MYO9A: variants seen among roughly 807,000 people sequenced by gnomAD.
MYO9A encodes the protein unconventional myosin-IXa.
MYO9A carries 103 observed loss-of-function variants against 293.3 expected under a neutral mutation model. The observed-to-expected ratio is 0.35, with a 90% CI of 0.30 to 0.41. MYO9A has a LOEUF of 0.41. MYO9A is among the 10% of genes least tolerant of loss of function. The pLI, the probability that MYO9A is intolerant of heterozygous loss-of-function variation, is 1.00. For missense variants in MYO9A, 2,685 were observed against 3,033.0 expected (o/e 0.89, Z 2.69); for synonymous variants, 1,001 against 1,035.7 (o/e 0.97, Z 0.64).
chr15:71,855,730 A>G (rs140745161), intron 34 of MYO9A, among the ~76,000 whole-genome samples: 7 of 152,280 alleles, frequency 4.6e-5, no homozygotes, highest in East Asian at 1.9e-4. Flanking sequence ...GCTCAAAACT[A>G]TATCACTAAC....
intron 39 of MYO9A, among the ~76,000 whole-genome samples, chr15:71,841,626 T>C (rs992212101): frequency 6.6e-6 from 1 of 151,814 alleles, no homozygotes; most frequent in African/African-American, 2.4e-5. Flanking sequence ...TTCATTTTTA[T>C]TTTATTTTAA....
At chr15:72,071,612 A>C (rs1280553816) in intron 1 of MYO9A, among the ~76,000 whole-genome samples, 1 of 152,068 alleles carries the variant, frequency 6.6e-6, no homozygotes, top group African/African-American at 2.4e-5. Context: ...ATGGTAGCAC[A>C]CGGCTGTAAT....
intron 8 of MYO9A, among the ~76,000 whole-genome samples, chr15:72,002,565 T>C (rs1482734821): frequency 1.3e-5 from 2 of 152,122 alleles, no homozygotes; most frequent in East Asian, 3.9e-4. Context: ...AAATCAGCAT[T>C]GAAAGATCTC....
At chr15:72,060,097 T>C (rs1226957444) in intron 1 of MYO9A, among the ~76,000 whole-genome samples, 1 of 152,150 alleles carries the variant, frequency 6.6e-6, no homozygotes, top group Non-Finnish European at 1.5e-5. Flanking sequence ...TGAACTGATT[T>C]TTTTGTACAT....
chr15:72,010,303 T>C, intron 7 of MYO9A, 47 bp downstream of exon 7: 1 of 1,494,756 alleles, frequency 6.7e-7, no homozygotes, highest in Non-Finnish European at 9.3e-7. Context: ...CAAAGACATA[T>C]CATGTGTTCT....
At chr15:71,901,536 G>A (rs886298783) in intron 22 of MYO9A, among the ~76,000 whole-genome samples, 196 bp from the exon 23 acceptor site, 1 of 152,060 alleles carries the variant, frequency 6.6e-6, no homozygotes, top group African/African-American at 2.4e-5. Context: ...AGTAGAATAC[G>A]GAAGGTGAGC....
chr15:72,003,877 C>T (rs1000071572), intron 8 of MYO9A, among the ~76,000 whole-genome samples: 4 of 152,242 alleles, frequency 2.6e-5, no homozygotes, highest in African/African-American at 9.6e-5. Context: ...ATAAGGCTGA[C>T]CTCTCTCAAA....
intron 1 of MYO9A, among the ~76,000 whole-genome samples, chr15:72,112,568 A>G (rs1253477897): frequency 6.6e-6 from 1 of 152,238 alleles, no homozygotes; most frequent in Non-Finnish European, 1.5e-5. Flanking sequence ...TCTCACAAAT[A>G]AACCTTAGTA....
chr15:71,873,913 C>T (rs777242308), intron 32 of MYO9A, among the ~76,000 whole-genome samples: 1 of 152,094 alleles, frequency 6.6e-6, no homozygotes, highest in African/African-American at 2.4e-5. Flanking sequence ...CTATCCTTTC[C>T]TTTGTATACA....
intron 15 of MYO9A, among the ~76,000 whole-genome samples, chr15:71,946,422 ACGTTCAAGGAATTTTT>A (rs1202129421): frequency 2.0e-5 from 3 of 152,224 alleles, no homozygotes; most frequent in Non-Finnish European, 2.9e-5. Flanking sequence ...ATAACCGTTG[ACGTTCAAGGAATTTTT>A]CCATTTCACG....
intron 18 of MYO9A, among the ~76,000 whole-genome samples, chr15:71,929,821 C>A (rs570437560): frequency 6.6e-6 from 1 of 152,292 alleles, no homozygotes; most frequent in South Asian, 2.1e-4. Flanking sequence ...CCAGTCATGG[C>A]ACTGCTGGGT....
intron 11 of MYO9A, among the ~76,000 whole-genome samples, chr15:71,982,663 C>T (rs2076304834): frequency 6.6e-6 from 1 of 152,228 alleles, no homozygotes; most frequent in East Asian, 1.9e-4. Flanking sequence ...CACAAAGGCA[C>T]TAATCTCATC....
Position 72,046,064 on chromosome 15 carries a change from C to T in MYO9A, c.500G>A (p.Arg167Gln), listed in dbSNP as rs764262772. 1.2e-5 allele frequency: 19 copies of T among 1,613,366 alleles called. No homozygotes were observed. The highest frequency in any genetic ancestry group is 6.7e-5 in the East Asian group (3 of 44,896). ...LNEKTLLENL[R>Q]NRFKHEKIYT... ...AATTTTTTCATGCTTAAAGCGATTT[C>T]GTAGGTTTTCTAAGAGAGTTTTCTC... Residue 167 changes from arginine (R) to glutamine (Q), a missense_variant, in exon 2 of 42, where the codon CGA becomes CAA. Physicochemically the swap from Arg to Gln is conservative, Grantham distance 43 (BLOSUM62 1). Around this residue, in one of 10 missense-constraint regions of MYO9A, gnomAD observed 289 missense variants for 456.8 expected, o/e 0.63. Transcript: ENST00000356056.
intron 39 of MYO9A, among the ~76,000 whole-genome samples, chr15:71,847,125 G>A (rs2055421323): frequency 6.6e-6 from 1 of 152,174 alleles, no homozygotes; most frequent in African/African-American, 2.4e-5. Context: ...ACCTTTTAAT[G>A]ATTCAACCAA....
intron 15 of MYO9A, among the ~76,000 whole-genome samples, chr15:71,947,438 C>G (rs1215270495): frequency 6.6e-6 from 1 of 152,034 alleles, no homozygotes; most frequent in Non-Finnish European, 1.5e-5. Flanking sequence ...AAGTTTTCTC[C>G]TAAGTACTTC....
intron 39 of MYO9A, among the ~76,000 whole-genome samples, chr15:71,842,787 G>T (rs2055213943): frequency 6.6e-6 from 1 of 151,440 alleles, no homozygotes; most frequent in African/African-American, 2.4e-5. Flanking sequence ...GTGAACCCAG[G>T]AGGCGGAGCT....
chr15:71,847,783 A>G (rs2055454889), intron 39 of MYO9A, among the ~76,000 whole-genome samples: 1 of 152,208 alleles, frequency 6.6e-6, no homozygotes, highest in African/African-American at 2.4e-5. Context: ...AGTATCCCCT[A>G]TGATGAGTTT....
intron 1 of MYO9A, among the ~76,000 whole-genome samples, chr15:72,107,781 T>G (rs1016933749): frequency 3.7e-5 from 4 of 108,062 alleles, no homozygotes; most frequent in African/African-American, 1.4e-4. Context: ...TGTCCTTATT[T>G]GAGACAATTT....
chr15:71,988,431 CGTAA>C (rs1231563076), intron 11 of MYO9A, among the ~76,000 whole-genome samples: 4 of 152,118 alleles, frequency 2.6e-5, no homozygotes, highest in Non-Finnish European at 4.4e-5. Context: ...CTACATAACT[CGTAA>C]GTGTTAGCTA....
Sources: gnomAD v4.1 joint callset for allele counts (sites outside exome capture counted in the v4.1 genomes callset) on GRCh38, gnomAD v4.1.1 for gene constraint, gnomAD v4.1.1 regional missense constraint, MANE v1.5 for transcripts, NCBI Gene and HGNC (gene_info 2026-07-23, HGNC 2026-07-21) for gene names.